ELOVL7: variants seen among roughly 807,000 people sequenced by gnomAD.
The protein encoded by ELOVL7 is very long chain fatty acid elongase 7.
In ELOVL7, 27 loss-of-function variants were observed where a neutral mutation model predicts 35.7. The ratio of observed to expected loss-of-function variants is 0.76; its 90% CI spans 0.56 to 1.04. The LOEUF (loss-of-function observed/expected upper bound fraction) is 1.04, where lower values mean the gene tolerates loss of function less well. Among genes scored for constraint, ELOVL7 ranks in the 50% least tolerant of loss-of-function variants. The pLI is 0.00. For missense variants in ELOVL7, 327 were observed against 340.8 expected, an observed-to-expected ratio of 0.96 and a Z score of 0.32; for synonymous variants, 113 against 114.6, an observed-to-expected ratio of 0.99 and a Z score of 0.09.
chr5:60,812,313 G>T (rs1745280751), intron 1 of ELOVL7, among the ~76,000 whole-genome samples: 1 of 152,110 alleles, frequency 6.6e-6, no homozygotes, highest in Admixed American at 6.5e-5. Context: ...GTAACAAAGA[G>T]TTTCTTGCTG....
chr5:60,824,657 A>G (rs1317679001), intron 1 of ELOVL7, among the ~76,000 whole-genome samples: 1 of 152,188 alleles, frequency 6.6e-6, no homozygotes, highest in Non-Finnish European at 1.5e-5. Flanking sequence ...TTCTAAATAT[A>G]TTCTAGAATC....
chr5:60,777,948 A>G (rs1297490037), intron 3 of ELOVL7, among the ~76,000 whole-genome samples: 1 of 152,260 alleles, frequency 6.6e-6, no homozygotes, highest in African/African-American at 2.4e-5. Context: ...ACAAGGTGTC[A>G]TGCACAAAAT....
intron 8 of ELOVL7, among the ~76,000 whole-genome samples, chr5:60,756,783 C>T (rs560440811): frequency 4.6e-4 from 70 of 152,204 alleles, no homozygotes; most frequent in African/African-American, 1.6e-3. Flanking sequence ...CAGAATATGA[C>T]ATCAATTTAT....
intron 3 of ELOVL7, among the ~76,000 whole-genome samples, chr5:60,773,313 G>T (rs546394935): frequency 6.6e-6 from 1 of 152,284 alleles, no homozygotes; most frequent in Non-Finnish European, 1.5e-5. Flanking sequence ...GAAAAGAAGG[G>T]TAGGGAGAAT....
chr5:60,822,158 T>C (rs1057496734), intron 1 of ELOVL7, among the ~76,000 whole-genome samples: 1 of 152,250 alleles, frequency 6.6e-6, no homozygotes, highest in Non-Finnish European at 1.5e-5. Context: ...GACTGAGCTA[T>C]TTCTTGGTGA....
intron 7 of ELOVL7, among the ~76,000 whole-genome samples, chr5:60,762,158 G>A (rs988138359): frequency 3.1e-4 from 47 of 151,960 alleles, no homozygotes; most frequent in African/African-American, 9.9e-4. Flanking sequence ...CAAGAAACCC[G>A]TTATAAAGTG....
chr5:60,803,858 C>G (rs551120142), intron 1 of ELOVL7, among the ~76,000 whole-genome samples: 25 of 152,270 alleles, frequency 1.6e-4, no homozygotes, highest in Non-Finnish European at 1.5e-5. Flanking sequence ...AACCTCAAAA[C>G]AAGTATTTTT....
chr5:60,805,986 G>T (rs1457290724), intron 1 of ELOVL7, among the ~76,000 whole-genome samples: 1 of 152,172 alleles, frequency 6.6e-6, no homozygotes, highest in Non-Finnish European at 1.5e-5. Context: ...CTAACCTCCA[G>T]TTCTTCAGGA....
At chr5:60,821,804 A>G (rs977823396) in intron 1 of ELOVL7, among the ~76,000 whole-genome samples, 6 of 152,258 alleles carry the variant, frequency 3.9e-5, no homozygotes, top group Non-Finnish European at 8.8e-5. Context: ...GTGACATCCA[A>G]GTATGTGATG....
chr5:60,795,670 C>T (rs1170265382), intron 2 of ELOVL7, among the ~76,000 whole-genome samples: 7 of 152,228 alleles, frequency 4.6e-5, no homozygotes, highest in East Asian at 1.9e-4. Context: ...TCCAACCCTC[C>T]GGATCCGGCA....
chr5:60,786,885 G>T (rs1307925104), intron 3 of ELOVL7, among the ~76,000 whole-genome samples: 4 of 151,950 alleles, frequency 2.6e-5, no homozygotes, highest in East Asian at 1.9e-4. Flanking sequence ...GAGGTTGCAG[G>T]GAGGCGGAGG....
chr5:60,767,714 CT>C, intron 5 of ELOVL7, 108 bp downstream of exon 5: 1 of 698,236 alleles, frequency 1.4e-6, no homozygotes, highest in Non-Finnish European at 2.6e-6. Flanking sequence ...CACACACAAT[CT>C]GATAACTGAG....
chr5:60,815,983 T>C (rs1351758949), intron 1 of ELOVL7, among the ~76,000 whole-genome samples: 1 of 152,310 alleles, frequency 6.6e-6, no homozygotes, highest in East Asian at 1.9e-4. Context: ...GACCAGAACC[T>C]GGGCTTGAGC....
intron 7 of ELOVL7, among the ~76,000 whole-genome samples, chr5:60,759,548 T>A (rs1439670025): frequency 3.3e-5 from 5 of 152,098 alleles, no homozygotes; most frequent in Non-Finnish European, 4.4e-5. Flanking sequence ...TATGGAACTA[T>A]GTCAGAGCTT....
intron 1 of ELOVL7, among the ~76,000 whole-genome samples, chr5:60,833,431 G>A (rs912666351): frequency 6.6e-6 from 1 of 152,158 alleles, no homozygotes; most frequent in Non-Finnish European, 1.5e-5. Flanking sequence ...CTGTGGGACT[G>A]AGCGCCAGGT....
At chr5:60,795,146 T>C (rs907112661) in intron 2 of ELOVL7, among the ~76,000 whole-genome samples, 8 of 152,072 alleles carry the variant, frequency 5.3e-5, no homozygotes, top group African/African-American at 1.9e-4. Flanking sequence ...ACTGATTAGA[T>C]AGGGACAGGG....
chr5:60,802,635 T>C (rs1249158674), intron 1 of ELOVL7: 6 of 152,188 alleles, frequency 3.9e-5, no homozygotes, highest in Non-Finnish European at 1.5e-5. Context: ...ACCTTTTATA[T>C]CTGGGACGAC....
chr5:60,800,846 G>A (rs1013931083), intron 1 of ELOVL7, among the ~76,000 whole-genome samples: 1 of 152,190 alleles, frequency 6.6e-6, no homozygotes, highest in Admixed American at 6.5e-5. Flanking sequence ...TCAATCCACT[G>A]TTGGTGGATG....
chr5:60,836,127 T>C (rs780010177), intron 1 of ELOVL7, among the ~76,000 whole-genome samples: 6 of 148,140 alleles, frequency 4.1e-5, no homozygotes, highest in Non-Finnish European at 8.9e-5. Flanking sequence ...GAAAGGGCAA[T>C]TGCATATGTT....
Sources: allele counts gnomAD v4.1 joint callset (sites outside exome capture counted in the v4.1 genomes callset), GRCh38; gene constraint gnomAD v4.1.1; transcripts MANE v1.5; gene names NCBI Gene and HGNC (gene_info 2026-07-23, HGNC 2026-07-21).